The following RBM26 variants were observed in gnomAD, a reference collection of about 807,000 sequenced individuals.
RBM26 encodes the protein RNA binding motif protein 26.
In RBM26, 30 loss-of-function variants were observed where a neutral mutation model predicts 123.6. The ratio of observed to expected loss-of-function variants is 0.24; its 90% CI spans 0.18 to 0.33. The LOEUF (loss-of-function observed/expected upper bound fraction) is 0.33. Ranked by LOEUF, RBM26 falls within the 10% of genes least tolerant of loss-of-function variation. The pLI is 1.00. For missense variants in RBM26, 947 were observed against 1,203.6 expected (o/e 0.79, Z 3.15); for synonymous variants, 400 against 404.4 (o/e 0.99, Z 0.13).
In RBM26 at chr13:79,340,176, A is replaced by C. The variant is rs991680825; in HGVS notation, c.2532+947T>G. On this transcript the variant is annotated intron_variant, in intron 18 of 21. Coordinates refer to ENST00000438737, the MANE Select transcript of RBM26 (RefSeq NM_001366735.2). The stretch of plus-strand genomic sequence containing the variant: ...ATTTTTCAAACTTTTTTTTTTCCCC[A>C]AAAAAAATACTGGGCAGGACACACA... 7.2e-5 allele frequency among the ~76,000 whole-genome samples: 11 copies of C among 151,826 alleles called. No homozygotes were observed. The South Asian group carries it at 1.0e-3, about 14-fold the overall frequency.
downstream of RBM26, chr13:79,318,754 A>G (rs1200494096): frequency 1.0e-6 from 1 of 978,784 alleles, no homozygotes; most frequent in Non-Finnish European, 1.2e-6. Context: ...TACTAATCAA[A>G]TTATAAAGCC....
chr13:79,400,337 C>G (rs549903986), intron 1 of RBM26, among the ~76,000 whole-genome samples: 22 of 152,248 alleles, frequency 1.4e-4, no homozygotes, highest in Admixed American at 1.1e-3. Context: ...TTTGGCAATT[C>G]TGATTCCAAG....
At chr13:79,350,685 C>T (rs1312345321) in intron 14 of RBM26, among the ~76,000 whole-genome samples, 1 of 151,998 alleles carries the variant, frequency 6.6e-6, no homozygotes, top group Non-Finnish European at 1.5e-5. Context: ...TTAATAATGA[C>T]ATAGGATACT....
chr13:79,314,994 C>T (rs768453816), downstream of RBM26: 34 of 1,299,226 alleles, frequency 2.6e-5, no homozygotes, highest in Non-Finnish European at 1.0e-5. Flanking sequence ...TCTCTCTCTG[C>T]TGGAAAAAGA....
At chr13:79,391,564 C>G (rs1438319151) in intron 1 of RBM26, among the ~76,000 whole-genome samples, 1 of 152,034 alleles carries the variant, frequency 6.6e-6, no homozygotes, top group Non-Finnish European at 1.5e-5. Flanking sequence ...GCTGGGATTA[C>G]AGGCGCCCAC....
chr13:79,367,432 A>AAAAAAAAAAAAAAAAAAAT (rs1566476253), intron 6 of RBM26, among the ~76,000 whole-genome samples: 2 of 42,730 alleles, frequency 4.7e-5, no homozygotes, highest in Non-Finnish European at 1.1e-4. Flanking sequence ...AAAAAAAAAA[A>AAAAAAAAAAAAAAAAAAAT]GAAGAAGAAG....
chr13:79,350,457 A>C lies in RBM26; in HGVS notation c.2058+2696T>G, dbSNP rs538979462. ...TTCTTCATGAATTTCTTTAGTAAGC[A>C]GAGGCACTCAAACATAATTTATCAA... On this transcript the variant is annotated intron_variant, in intron 14 of 21. Coordinates refer to ENST00000438737, the MANE Select transcript of RBM26 (RefSeq NM_001366735.2). Among the ~76,000 whole-genome samples, 3 of 152,338 alleles carry C rather than the reference A, an allele frequency of 2.0e-5. No individual in the cohort carries two copies. In the South Asian group the frequency reaches 6.2e-4, roughly 32 times the overall value.
At chr13:79,341,539 C>T (rs534127627) in intron 17 of RBM26, among the ~76,000 whole-genome samples, 2 of 151,792 alleles carry the variant, frequency 1.3e-5, no homozygotes, top group Non-Finnish European at 3.0e-5. Flanking sequence ...CCCTAAAAAA[C>T]CAAGGTGCTA....
intron 18 of RBM26, among the ~76,000 whole-genome samples, chr13:79,339,869 A>G (rs2071072914): frequency 6.6e-6 from 1 of 152,178 alleles, no homozygotes; most frequent in Non-Finnish European, 1.5e-5. Context: ...TGCTGAATGA[A>G]CACACTCTGG....
chr13:79,340,848 AC>A (rs1047453331), intron 18 of RBM26, among the ~76,000 whole-genome samples: 28 of 151,946 alleles, frequency 1.8e-4, no homozygotes, highest in Admixed American at 1.2e-3. Flanking sequence ...GGGAGGACAG[AC>A]CAAAAATAGA....
intron 1 of RBM26, among the ~76,000 whole-genome samples, chr13:79,387,559 AT>A (rs1475310303): frequency 4.5e-5 from 5 of 111,652 alleles, no homozygotes; most frequent in Non-Finnish European, 5.9e-5. Context: ...TAGTTTACTC[AT>A]TTAAAAAAAA....
chr13:79,326,622 A>G (rs1364054867), intron 20 of RBM26, among the ~76,000 whole-genome samples: 1 of 152,220 alleles, frequency 6.6e-6, no homozygotes, highest in Non-Finnish European at 1.5e-5. Context: ...TCTACAAAAC[A>G]GCCTGTAAAA....
At chr13:79,370,253 T>C (rs1221245743) in intron 5 of RBM26, among the ~76,000 whole-genome samples, 2 of 151,920 alleles carry the variant, frequency 1.3e-5, no homozygotes, top group Non-Finnish European at 2.9e-5. Flanking sequence ...GAGGCGGAGG[T>C]TGCAATGAGC....
At chr13:79,375,079 T>TATATAAATATATATTTATATG (rs2076530983) in intron 3 of RBM26, among the ~76,000 whole-genome samples, 3 of 21,398 alleles carry the variant, frequency 1.4e-4, no homozygotes, top group African/African-American at 5.1e-4. Flanking sequence ...ATTTATATGA[T>TATATAAATATATATTTATATG]ATATATAAAT....
intron 14 of RBM26, among the ~76,000 whole-genome samples, chr13:79,349,652 T>C (rs1330618805): frequency 6.6e-6 from 1 of 151,274 alleles, no homozygotes; most frequent in Non-Finnish European, 1.5e-5. Flanking sequence ...AAAATAAAAA[T>C]TAAAAATAGT....
rs1555325932 is a variant in RBM26 at position 79,366,875 on chromosome 13, A to G, written c.896-3T>C. On this transcript the variant is annotated splice_polypyrimidine_tract_variant and splice_region_variant and intron_variant, in intron 6 of 21. Coordinates refer to ENST00000438737, the MANE Select transcript of RBM26 (RefSeq NM_001366735.2). The stretch of plus-strand genomic sequence containing the variant: ...TCCTCTCATACAAAAACCCTTTTCT[A>G]TGAGGAAGGAATAGTTAGAAACAAA... 4.4e-6 allele frequency: 7 copies of G among 1,590,148 alleles called. No homozygotes were observed. Among genetic ancestry groups the G allele is most frequent in the Non-Finnish European group, 5.2e-6 (6 of 1,164,984 alleles).
intron 5 of RBM26, among the ~76,000 whole-genome samples, chr13:79,370,698 C>A (rs547849996): frequency 6.6e-6 from 1 of 152,328 alleles, no homozygotes; most frequent in South Asian, 2.1e-4. Flanking sequence ...TATCTACTTT[C>A]TCACCAACAT....
intron 1 of RBM26, among the ~76,000 whole-genome samples, chr13:79,387,329 TTTAG>T (rs1412915947): frequency 1.3e-5 from 2 of 152,066 alleles, no homozygotes; most frequent in African/African-American, 4.8e-5. Flanking sequence ...AAAAATATAC[TTTAG>T]TTAAATTCTG....
chr13:79,394,189 C>T (rs1480789981), intron 1 of RBM26, among the ~76,000 whole-genome samples: 4 of 152,208 alleles, frequency 2.6e-5, no homozygotes, highest in Non-Finnish European at 5.9e-5. Context: ...CTGGAACTGC[C>T]GCTCTGCTAG....
Sources: gnomAD v4.1 joint callset for allele counts (sites outside exome capture counted in the v4.1 genomes callset) on GRCh38, gnomAD v4.1.1 for gene constraint, MANE v1.5 for transcripts, NCBI Gene and HGNC (gene_info 2026-07-23, HGNC 2026-07-21) for gene names.